The following TMEM131 variants were observed in gnomAD, a reference collection of about 807,000 sequenced individuals.
TMEM131 encodes the protein 2610524E03Rik.
In TMEM131, 66 loss-of-function variants were observed where a neutral mutation model predicts 211.6. That is an observed-to-expected ratio of 0.31 (90% CI 0.26 to 0.38). The LOEUF (loss-of-function observed/expected upper bound fraction) is 0.38, where lower values mean the gene tolerates loss of function less well. TMEM131 is among the 10% of genes least tolerant of loss of function. The pLI, the probability that TMEM131 is intolerant of heterozygous loss-of-function variation, is 1.00. For missense variants in TMEM131, 2,036 were observed against 2,299.3 expected (o/e 0.89, Z 2.34); for synonymous variants, 844 against 841.3 (o/e 1.00, Z -0.06).
In TMEM131 at chr2:97,795,264, G is replaced by A. The variant is rs1302529774; in HGVS notation, c.3201-149C>T. 5 of 552,012 alleles carry A rather than the reference G, an allele frequency of 9.1e-6. No individual in the cohort carries two copies. The Admixed American group carries it at 1.7e-4, about 19-fold the overall frequency. The allele number at this position is 552,012 out of a possible 1,614,324, so 34.2% of individuals were successfully genotyped here. On this transcript the variant is annotated intron_variant, in intron 28 of 40. Coordinates refer to ENST00000186436, the MANE Select transcript of TMEM131 (RefSeq NM_015348.2). ...ACTTCCGTATTTTAAGATGAAAAAA[G>A]TATTGTCCCATGGTCAGTAATAGGA... is the stretch of plus-strand genomic sequence containing the variant.
intron 40 of TMEM131, 52 bp downstream of exon 40, chr2:97,758,841 T>TA: frequency 6.4e-7 from 1 of 1,559,944 alleles, no homozygotes; most frequent in Non-Finnish European, 8.7e-7. Context: ...CAATGGCAGA[T>TA]GGCGAGTGGG....
chr2:97,881,723 AGG>A (rs59488414), intron 4 of TMEM131, among the ~76,000 whole-genome samples: 11 of 65,550 alleles, frequency 1.7e-4, no homozygotes, highest in Admixed American at 2.0e-4. Flanking sequence ...AAAAAAAAAA[AGG>A]GGGGGGGGCG....
At chr2:97,986,033 T>C (rs1432282917) in intron 1 of TMEM131, among the ~76,000 whole-genome samples, 1 of 150,204 alleles carries the variant, frequency 6.7e-6, no homozygotes. Context: ...AGAAAAATAT[T>C]AAATCCTTAA....
chr2:97,893,051 G>A (rs991768271), intron 3 of TMEM131, among the ~76,000 whole-genome samples: 2 of 151,798 alleles, frequency 1.3e-5, no homozygotes, highest in Non-Finnish European at 1.5e-5. Flanking sequence ...TCCCCTAGCC[G>A]CCCAACCCCC....
intron 34 of TMEM131, 38 bp from the exon 35 acceptor site, chr2:97,766,301 A>G: frequency 6.2e-7 from 1 of 1,612,524 alleles, no homozygotes; most frequent in South Asian, 1.1e-5. Context: ...TTAATGGAGA[A>G]TCATTCCTTT....
intron 1 of TMEM131, among the ~76,000 whole-genome samples, chr2:97,935,043 C>T (rs967236839): frequency 2.6e-5 from 4 of 151,994 alleles, no homozygotes; most frequent in Admixed American, 6.6e-5. Context: ...AAAAACTTTG[C>T]CCTTCACATG....
intron 2 of TMEM131, among the ~76,000 whole-genome samples, chr2:97,919,108 G>C (rs995158906): frequency 6.6e-6 from 1 of 152,160 alleles, no homozygotes; most frequent in Non-Finnish European, 1.5e-5. Flanking sequence ...GACAGACCCA[G>C]GTAGAAGTTG....
chr2:97,970,452 T>G (rs1177771880), intron 1 of TMEM131, among the ~76,000 whole-genome samples: 1 of 152,228 alleles, frequency 6.6e-6, no homozygotes, highest in Non-Finnish European at 1.5e-5. Flanking sequence ...TTTCAAGACC[T>G]ATGGCAAAGT....
At position 97,761,922 on chromosome 2, in the gene TMEM131, G is replaced by A. The variant is rs1176949846; in HGVS notation, c.4889+113C>T. 4 of 1,246,008 alleles carry A rather than the reference G, an allele frequency of 3.2e-6. No individual in the cohort carries two copies. In the East Asian group the frequency reaches 8.1e-5, roughly 25 times the overall value. 77.2% of individuals were successfully genotyped at this position (1,246,008 alleles called of 1,614,324 possible). The stretch of plus-strand genomic sequence containing the variant: ...GGTCCACACAAGCTGGCAGCCATCA[G>A]AAGTAACACCAGACAGTGGCCTGTG... On this transcript the variant is annotated intron_variant, in intron 36 of 40. Transcript: ENST00000186436.
intron 12 of TMEM131, among the ~76,000 whole-genome samples, chr2:97,815,770 C>T (rs1175009379): frequency 6.6e-6 from 1 of 152,214 alleles, no homozygotes; most frequent in East Asian, 1.9e-4. Context: ...TGCCTCTCTG[C>T]ATTGCCAGAT....
chr2:97,844,641 A>G (rs1028283798), intron 5 of TMEM131, among the ~76,000 whole-genome samples: 15 of 152,168 alleles, frequency 9.9e-5, no homozygotes, highest in African/African-American at 3.4e-4. Flanking sequence ...TTTTAGTCCA[A>G]AGAATAAGCC....
chr2:97,814,942 A>T (rs541498470), intron 13 of TMEM131, among the ~76,000 whole-genome samples: 2 of 152,314 alleles, frequency 1.3e-5, no homozygotes, highest in Admixed American at 6.5e-5. Context: ...AATAATATTT[A>T]AAAAATCAGA....
At chr2:97,956,767 T>C (rs1678585351) in intron 1 of TMEM131, among the ~76,000 whole-genome samples, 1 of 152,138 alleles carries the variant, frequency 6.6e-6, no homozygotes. Flanking sequence ...CTTTAATAGT[T>C]TATTCTCCAT....
chr2:97,928,668 T>A (rs377663180), intron 1 of TMEM131, among the ~76,000 whole-genome samples: 2 of 151,784 alleles, frequency 1.3e-5, no homozygotes, highest in African/African-American at 4.9e-5. Flanking sequence ...ACACACGCAA[T>A]GTATTCTAGT....
At chr2:97,827,001 G>T in intron 11 of TMEM131, among the ~76,000 whole-genome samples, 1 of 147,852 alleles carries the variant, frequency 6.8e-6, no homozygotes, top group East Asian at 2.0e-4. Flanking sequence ...TTCAGGACAG[G>T]ACGATAGATG....
chr2:97,760,703 C>T lies in TMEM131; in HGVS notation c.5012-14G>A. On this transcript the variant is annotated splice_polypyrimidine_tract_variant and intron_variant, in intron 37 of 40. Coordinates refer to ENST00000186436, the MANE Select transcript of TMEM131 (RefSeq NM_015348.2). ...AGCCATTCCCACCTGTAACAATGGA[C>T]GTTCAATCAATGGAAGGCACATTAG... The T allele has an allele frequency of 3.1e-6, 5 of 1,613,944 alleles. No individual in the cohort carries two copies. Among genetic ancestry groups the T allele is most frequent in the South Asian group, 1.1e-5 (1 of 91,086 alleles).
At chr2:97,824,719 C>G (rs1293859744) in intron 11 of TMEM131, among the ~76,000 whole-genome samples, 1 of 152,220 alleles carries the variant, frequency 6.6e-6, no homozygotes, top group East Asian at 1.9e-4. Flanking sequence ...TCAAATCAGG[C>G]TAAAAGACTC....
chr2:97,794,097 G>A (rs539859941), intron 29 of TMEM131, among the ~76,000 whole-genome samples: 8 of 147,514 alleles, frequency 5.4e-5, no homozygotes, highest in African/African-American at 1.5e-4. Context: ...ACAAAGTTTC[G>A]CTCTTATTGC....
chr2:97,841,797 T>C lies in TMEM131; in HGVS notation c.723+18A>G, dbSNP rs1473515856. The C allele has an allele frequency of 1.9e-6, 3 of 1,550,382 alleles. No individual in the cohort carries two copies. The African/African-American group carries it at 4.1e-5, about 21-fold the overall frequency. ...CCACCAAAATGAAGCTTATTCAAAA[T>C]TACCATCATAAACTCACCTGTAAAG... is the stretch of plus-strand genomic sequence containing the variant. On this transcript the variant is annotated intron_variant, in intron 7 of 40. Transcript: ENST00000186436.
Sources: gnomAD v4.1 joint callset for allele counts (sites outside exome capture counted in the v4.1 genomes callset) on GRCh38, gnomAD v4.1.1 for gene constraint, MANE v1.5 for transcripts, NCBI Gene and HGNC (gene_info 2026-07-23, HGNC 2026-07-21) for gene names.